Variants in CORO1C observed in about 807,000 individuals in gnomAD.
CORO1C encodes the protein coronin-1C.
A neutral mutation model predicts 51.2 loss-of-function variants in CORO1C; 14 were observed. The observed-to-expected ratio is 0.27, with a 90% CI of 0.18 to 0.43. The LOEUF is 0.43. Ranked by LOEUF, CORO1C falls within the 20% of genes least tolerant of loss-of-function variation. The pLI is 1.00. For missense variants in CORO1C, 417 were observed against 607.8 expected (o/e 0.69, Z 3.30); for synonymous variants, 181 against 210.5 (o/e 0.86, Z 1.21).
At chr12:108,650,468 C>G (rs2032597581) in intron 8 of CORO1C, among the ~76,000 whole-genome samples, 1 of 152,048 alleles carries the variant, frequency 6.6e-6, no homozygotes, top group South Asian at 2.1e-4. Flanking sequence ...GGTGAACCAC[C>G]ACTCCTGGCC....
chr12:108,648,554 G>A, intron 10 of CORO1C, 51 bp downstream of exon 10: 1 of 1,608,232 alleles, frequency 6.2e-7, no homozygotes, highest in Non-Finnish European at 8.5e-7. Flanking sequence ...GGGCTTTCTA[G>A]AGGATAAAGC....
intron 2 of CORO1C, among the ~76,000 whole-genome samples, chr12:108,692,580 G>C (rs1395493092): frequency 1.3e-5 from 2 of 152,170 alleles, no homozygotes; most frequent in Non-Finnish European, 2.9e-5. Context: ...ACGGCGCCTG[G>C]CACTTAAAGG....
Position 108,663,310 on chromosome 12 carries a change from C to T in CORO1C, c.319-1152G>A, listed in dbSNP as rs77230475. Among the ~76,000 whole-genome samples the T allele has an allele frequency of 7.1e-3, 1,079 of 152,306 alleles. 15 individuals are homozygous for T. The highest frequency in any genetic ancestry group is 0.024 in the African/African-American group (1,014 of 41,544). ...GATTAAACAGAGTTATCATATGATC[C>T]GGTAATTCCACTCCTAGGGATATAC... On this transcript the variant is annotated intron_variant, in intron 3 of 10. Transcript: ENST00000261401.
At chr12:108,689,915 A>G (rs1037891894) in intron 2 of CORO1C, among the ~76,000 whole-genome samples, 2 of 152,364 alleles carry the variant, frequency 1.3e-5, no homozygotes, top group Non-Finnish European at 1.5e-5. Context: ...AAAAGTTTTC[A>G]GCCCAAGCAT....
At chr12:108,711,506 C>T (rs909171864) in intron 1 of CORO1C, among the ~76,000 whole-genome samples, 1 of 152,028 alleles carries the variant, frequency 6.6e-6, no homozygotes, top group Non-Finnish European at 1.5e-5. Flanking sequence ...ATGGCAAAAC[C>T]CCATGTCTAC....
intron 1 of CORO1C, 112 bp from the exon 2 acceptor site, chr12:108,701,435 G>A: frequency 6.6e-7 from 1 of 1,517,450 alleles, no homozygotes; most frequent in East Asian, 2.4e-5. Flanking sequence ...CATTTTGTCT[G>A]CTCTCCTAAA....
At chr12:108,710,680 C>T (rs1388286143) in intron 1 of CORO1C, among the ~76,000 whole-genome samples, 7 of 151,986 alleles carry the variant, frequency 4.6e-5, no homozygotes, top group African/African-American at 1.7e-4. Flanking sequence ...TCTCCTGCCT[C>T]AGCCTCCCGA....
intron 2 of CORO1C, among the ~76,000 whole-genome samples, chr12:108,695,289 C>G (rs1316583618): frequency 6.6e-6 from 1 of 152,200 alleles, no homozygotes; most frequent in Non-Finnish European, 1.5e-5. Flanking sequence ...TCTCAGAATT[C>G]ACACTCCATC....
At chr12:108,689,032 GAAA>G (rs11449783) in intron 2 of CORO1C, among the ~76,000 whole-genome samples, 2 of 110,334 alleles carry the variant, frequency 1.8e-5, no homozygotes, top group Admixed American at 1.9e-4. Context: ...CTCTGTCTCA[GAAA>G]AAAAAAAAAA....
intron 3 of CORO1C, among the ~76,000 whole-genome samples, chr12:108,675,266 T>C (rs1306459604): frequency 6.6e-6 from 1 of 152,192 alleles, no homozygotes; most frequent in Non-Finnish European, 1.5e-5. Flanking sequence ...AAGAAATGGC[T>C]TGGGCAGGGA....
chr12:108,716,981 T>C (rs1030331846), intron 1 of CORO1C, among the ~76,000 whole-genome samples: 4 of 152,252 alleles, frequency 2.6e-5, no homozygotes, highest in Non-Finnish European at 5.9e-5. Context: ...CCTGCTCTCA[T>C]GGAGCTTACA....
intron 2 of CORO1C, among the ~76,000 whole-genome samples, chr12:108,700,301 A>AG (rs2034826837): frequency 3.9e-5 from 6 of 152,036 alleles, no homozygotes; most frequent in Admixed American, 3.9e-4. Context: ...CTAGAAAACA[A>AG]CTGTTTCTAG....
chr12:108,657,231 C>T (rs1201254278), intron 6 of CORO1C, 73 bp downstream of exon 6: 4 of 1,530,454 alleles, frequency 2.6e-6, no homozygotes, highest in Non-Finnish European at 3.5e-6. Flanking sequence ...AATCTACTTA[C>T]TCACTGGAAG....
At chr12:108,690,326 C>G (rs1047744490) in intron 2 of CORO1C, among the ~76,000 whole-genome samples, 4 of 152,040 alleles carry the variant, frequency 2.6e-5, no homozygotes, top group African/African-American at 9.7e-5. Context: ...ATTGAGTTAC[C>G]CTGTAAGGTA....
At chr12:108,673,022 A>C (rs1233659788) in intron 3 of CORO1C, among the ~76,000 whole-genome samples, 1 of 152,206 alleles carries the variant, frequency 6.6e-6, no homozygotes, top group Non-Finnish European at 1.5e-5. Flanking sequence ...ATAACCCTAA[A>C]TGACCTTTAA....
At chr12:108,667,598 T>C (rs1016413076) in intron 3 of CORO1C, among the ~76,000 whole-genome samples, 1 of 152,166 alleles carries the variant, frequency 6.6e-6, no homozygotes, top group African/African-American at 2.4e-5. Flanking sequence ...AAAAATGAAA[T>C]CAGAGGAGCT....
At chr12:108,725,095 C>G (rs987541060) in intron 1 of CORO1C, among the ~76,000 whole-genome samples, 1 of 152,150 alleles carries the variant, frequency 6.6e-6, no homozygotes, top group Non-Finnish European at 1.5e-5. Context: ...AATACACAGA[C>G]CTGAATAGAG....
chr12:108,692,574 C>T (rs1054193466), intron 2 of CORO1C, among the ~76,000 whole-genome samples: 6 of 152,204 alleles, frequency 3.9e-5, no homozygotes, highest in African/African-American at 9.7e-5. Context: ...ATCAGCACGG[C>T]GCCTGGCACT....
At chr12:108,686,874 GA>G (rs1291345966) in intron 2 of CORO1C, among the ~76,000 whole-genome samples, 2 of 152,194 alleles carry the variant, frequency 1.3e-5, no homozygotes, top group African/African-American at 2.4e-5. Flanking sequence ...GAGCCGAAAG[GA>G]AAATTCAGCT....
Sources: allele counts gnomAD v4.1 joint callset (sites outside exome capture counted in the v4.1 genomes callset), GRCh38; gene constraint gnomAD v4.1.1; transcripts MANE v1.5; gene names NCBI Gene and HGNC (gene_info 2026-07-23, HGNC 2026-07-21).